Variants in XKR4 observed in about 807,000 individuals in gnomAD.
The protein encoded by XKR4 is XK related 4.
Under a neutral mutation model 53.9 loss-of-function variants are expected in XKR4, and 12 were observed. The ratio of observed to expected loss-of-function variants is 0.22; its 90% CI spans 0.14 to 0.36. XKR4 has a LOEUF of 0.36. Ranked by LOEUF, XKR4 falls within the 10% of genes least tolerant of loss-of-function variation. The pLI is 1.00. For synonymous variants in XKR4, 354 were observed against 362.4 expected (o/e 0.98, Z 0.26); for missense variants, 799 against 859.5 (o/e 0.93, Z 0.88).
rs572499289 is a variant in XKR4, at chr8:55,398,502, TAAG to T, written c.1006+40626_1006+40628del. ...GTTCTTTGTTGGTAGGATTAAAAAATAAGGAGAGAGCATCCTTCGGTGAAAGGA... is the reference window on the plus strand; with the variant it reads ...GTTCTTTGTTGGTAGGATTAAAAAATGAGAGAGCATCCTTCGGTGAAAGGA... On this transcript the variant is annotated intron_variant, in intron 2 of 2. Coordinates refer to ENST00000327381, the MANE Select transcript of XKR4 (RefSeq NM_052898.2). 3.6e-3 allele frequency among the ~76,000 whole-genome samples: 541 copies of T among 152,276 alleles called. 3 individuals are homozygous for T. The highest frequency in any genetic ancestry group is 0.017 in the Middle Eastern group (5 of 294).
At chr8:55,522,895 T>TTAGAGAAGACAGATACGAGGA (rs1241113503) in intron 2 of XKR4, among the ~76,000 whole-genome samples, 1 of 152,168 alleles carries the variant, frequency 6.6e-6, no homozygotes, top group Non-Finnish European at 1.5e-5. Flanking sequence ...TGGGTGAGCC[T>TTAGAGAAGACAGATACGAGGA]TAGAGAAGAC....
intron 2 of XKR4, chr8:55,451,178 G>A (rs1221832090): frequency 5.4e-6 from 3 of 553,882 alleles, no homozygotes; most frequent in African/African-American, 1.9e-5. Flanking sequence ...GACACCCGTT[G>A]GCCTGGGGTG....
intron 2 of XKR4, among the ~76,000 whole-genome samples, chr8:55,367,933 T>C (rs944660812): frequency 6.6e-6 from 1 of 152,052 alleles, no homozygotes; most frequent in African/African-American, 2.4e-5. Context: ...ACAGCAGCCA[T>C]AGCGATGCGT....
At chr8:55,303,437 A>G (rs1345157860) in intron 1 of XKR4, among the ~76,000 whole-genome samples, 1 of 152,100 alleles carries the variant, frequency 6.6e-6, no homozygotes, top group Non-Finnish European at 1.5e-5. Flanking sequence ...ATGTTCATCA[A>G]GGATATTGGT....
intron 1 of XKR4, among the ~76,000 whole-genome samples, chr8:55,356,466 A>G (rs956565835): frequency 3.3e-5 from 5 of 152,232 alleles, no homozygotes; most frequent in Non-Finnish European, 7.3e-5. Context: ...TGTAAAAAAG[A>G]CTTAAGATAC....
chr8:55,450,890 C>T (rs1805429511), intron 2 of XKR4: 1 of 475,614 alleles, frequency 2.1e-6, no homozygotes, highest in Non-Finnish European at 4.0e-6. Flanking sequence ...CCAGCACCGA[C>T]ACCTGCAGCA....
chr8:55,484,414 C>G (rs1806162109), intron 2 of XKR4, among the ~76,000 whole-genome samples: 1 of 152,036 alleles, frequency 6.6e-6, no homozygotes, highest in Non-Finnish European at 1.5e-5. Flanking sequence ...GATGCAAAAA[C>G]CATTGACAAA....
chr8:55,372,332 C>G (rs1242740721), intron 2 of XKR4, among the ~76,000 whole-genome samples: 2 of 152,208 alleles, frequency 1.3e-5, no homozygotes, highest in South Asian at 2.1e-4. Flanking sequence ...CCACATTTAT[C>G]TGCCATTCAC....
chr8:55,351,276 T>A (rs995166969), intron 1 of XKR4, among the ~76,000 whole-genome samples: 3 of 152,346 alleles, frequency 2.0e-5, no homozygotes, highest in Admixed American at 1.3e-4. Flanking sequence ...GAACTCTGTA[T>A]GTGCAGTATT....
intron 1 of XKR4, among the ~76,000 whole-genome samples, chr8:55,305,162 C>T (rs2129377450): frequency 6.6e-6 from 1 of 152,260 alleles, no homozygotes; most frequent in Non-Finnish European, 1.5e-5. Flanking sequence ...TACAAACTTA[C>T]ATTTTAATTA....
chr8:55,499,013 A>G (rs576712442), intron 2 of XKR4, among the ~76,000 whole-genome samples: 11 of 152,198 alleles, frequency 7.2e-5, no homozygotes, highest in Non-Finnish European at 1.5e-4. Context: ...AATAAAGCCA[A>G]TTTATCTGCT....
chr8:55,497,449 A>T (rs1257098154), intron 2 of XKR4, among the ~76,000 whole-genome samples: 20 of 152,196 alleles, frequency 1.3e-4, no homozygotes, highest in Non-Finnish European at 2.9e-4. Flanking sequence ...AATGTTTATT[A>T]TATGTGTCTG....
At position 55,454,404 on chromosome 8, in the gene XKR4, C is replaced by T. The variant is rs569599989; in HGVS notation, c.1007-68877C>T. On this transcript the variant is annotated intron_variant, in intron 2 of 2. Coordinates refer to ENST00000327381, the MANE Select transcript of XKR4 (RefSeq NM_052898.2). ...CTGTATCTGAGAGGAAACAGCAATG[C>T]CAGGAGGCTCCTGCAGGCATCGGTG... 2.9e-5 allele frequency: 39 copies of T among 1,360,320 alleles called. 1 individual carries two copies. The East Asian group carries it at 8.5e-4, about 30-fold the overall frequency. The allele number at this position is 1,360,320 out of a possible 1,614,324, so 84.3% of individuals were successfully genotyped here. A position where few individuals can be genotyped will look rare whatever the true frequency, so the allele number is the denominator to read the frequency against.
intron 1 of XKR4, among the ~76,000 whole-genome samples, chr8:55,166,578 A>G (rs529336059): frequency 3.3e-5 from 5 of 152,334 alleles, no homozygotes; most frequent in Admixed American, 6.5e-5. Flanking sequence ...AGCACATAGT[A>G]TGTATGATGA....
chr8:55,455,029 C>T (rs569941036), intron 2 of XKR4: 315 of 749,208 alleles, frequency 4.2e-4, no homozygotes, highest in Non-Finnish European at 7.1e-4. Context: ...ATGGGTTGGC[C>T]TCCCAGTCCT....
At chr8:55,365,520 C>G (rs946509252) in intron 2 of XKR4, among the ~76,000 whole-genome samples, 1 of 152,028 alleles carries the variant, frequency 6.6e-6, no homozygotes, top group African/African-American at 2.4e-5. Context: ...CCCTGACCAA[C>G]GTGGAGAAAC....
intron 1 of XKR4, among the ~76,000 whole-genome samples, chr8:55,335,592 G>A (rs1686446253): frequency 1.3e-5 from 2 of 152,230 alleles, no homozygotes; most frequent in South Asian, 4.1e-4. Flanking sequence ...TCCAGTGAAA[G>A]GAAACCTATG....
chr8:55,264,396 G>C (rs1167682202), intron 1 of XKR4, among the ~76,000 whole-genome samples: 1 of 152,104 alleles, frequency 6.6e-6, no homozygotes. Flanking sequence ...GTATCTACTA[G>C]TGCCTAGAAC....
chr8:55,441,989 G>A (rs1027702684), intron 2 of XKR4, among the ~76,000 whole-genome samples: 2 of 151,890 alleles, frequency 1.3e-5, no homozygotes, highest in Non-Finnish European at 2.9e-5. Flanking sequence ...AGAAAAAAAT[G>A]AGATTATAAT....
Sources: allele counts gnomAD v4.1 joint callset (sites outside exome capture counted in the v4.1 genomes callset), GRCh38; gene constraint gnomAD v4.1.1; transcripts MANE v1.5; gene names NCBI Gene and HGNC (gene_info 2026-07-23, HGNC 2026-07-21).